Variants in CHD7 observed in about 807,000 individuals in gnomAD.
The protein encoded by CHD7 is ATP-dependent chromatin remodeler CHD7.
A neutral mutation model predicts 307.3 loss-of-function variants in CHD7; 24 were observed. That is an observed-to-expected ratio of 0.08 (90% CI 0.06 to 0.11). The LOEUF is 0.11. Among genes scored for constraint, CHD7 ranks in the 10% least tolerant of loss-of-function variants. The pLI is 1.00. For synonymous variants in CHD7, 1,363 were observed against 1,349.9 expected, an observed-to-expected ratio of 1.01 and a Z score of -0.21; for missense variants, 3,106 against 3,727.1, an observed-to-expected ratio of 0.83 and a Z score of 4.34.
chr8:60,862,124 C>A (rs1806025069), intron 35 of CHD7, 72 bp from the exon 36 acceptor site: 1 of 1,173,958 alleles, frequency 8.5e-7, no homozygotes, highest in South Asian at 1.6e-5. Context: ...TCTGACAGTT[C>A]TCTTTGGCAT....
Position 60,821,843 on chromosome 8 carries a change from G to A in CHD7, c.2751G>A (p.Thr917=), listed in dbSNP as rs369429961. The change falls in exon 10 of 38, where the codon ACG becomes ACA. Residue 917 remains threonine, a synonymous_variant. Coordinates refer to ENST00000423902, the MANE Select transcript of CHD7 (RefSeq NM_017780.4). The part of the protein sequence containing the change: ...KWCSLPYEDS[T]WERRQDIDQA... ...GTTCACTTCCTTATGAAGACAGCAC[G>A]TGGGAGCGGAGGCAGGACATAGATC... 998 of 1,590,562 alleles carry A rather than the reference G, an allele frequency of 6.3e-4. No homozygotes were observed. Among genetic ancestry groups the A allele is most frequent in the Non-Finnish European group, 7.9e-4 (925 of 1,167,912 alleles).
intron 15 of CHD7, 22 bp downstream of exon 15, chr8:60,830,599 A>G (rs1415279394): frequency 6.2e-7 from 1 of 1,607,398 alleles, no homozygotes. Flanking sequence ...CTGCTCGCGA[A>G]CTTGCTTAAG....
At chr8:60,716,574 A>T (rs1027053641) in intron 1 of CHD7, among the ~76,000 whole-genome samples, 1 of 152,204 alleles carries the variant, frequency 6.6e-6, no homozygotes, top group African/African-American at 2.4e-5. Flanking sequence ...CCTGTGAGGC[A>T]GTCCCTTACC....
At chr8:60,693,128 C>T (rs1389101418) in intron 1 of CHD7, among the ~76,000 whole-genome samples, 3 of 152,218 alleles carry the variant, frequency 2.0e-5, no homozygotes, top group Non-Finnish European at 4.4e-5. Context: ...CCAGACTCCA[C>T]TTCCTGTGTC....
At chr8:60,854,594 G>T in intron 32 of CHD7, 71 bp downstream of exon 32, 1 of 1,327,142 alleles carries the variant, frequency 7.5e-7, no homozygotes, top group Non-Finnish European at 1.0e-6. Flanking sequence ...TTTCTAGCTT[G>T]ATTTTTCAAG....
chr8:60,682,556 G>A (rs1437015094), intron 1 of CHD7, among the ~76,000 whole-genome samples: 1 of 152,112 alleles, frequency 6.6e-6, no homozygotes, highest in Non-Finnish European at 1.5e-5. Context: ...GCTTGAAAAA[G>A]TTTGCTTGCC....
chr8:60,816,323 A>G (rs1419124132), intron 7 of CHD7, 64 bp from the exon 8 acceptor site: 1 of 929,544 alleles, frequency 1.1e-6, no homozygotes, highest in Non-Finnish European at 1.6e-6. Flanking sequence ...ACTTTTTTGA[A>G]TAAGACATAA....
chr8:60,688,791 G>A (rs1477429058), intron 1 of CHD7, among the ~76,000 whole-genome samples: 1 of 152,142 alleles, frequency 6.6e-6, no homozygotes, highest in Non-Finnish European at 1.5e-5. Flanking sequence ...AGTGGTGTAG[G>A]CATGTTTGAT....
chr8:60,843,615 A>G (rs1259111862), intron 21 of CHD7, among the ~76,000 whole-genome samples: 1 of 152,182 alleles, frequency 6.6e-6, no homozygotes, highest in Admixed American at 6.5e-5. Flanking sequence ...GACTGTGACA[A>G]TACTGTGACA....
chr8:60,772,461 A>G (rs566679681), intron 2 of CHD7, among the ~76,000 whole-genome samples: 284 of 152,344 alleles, frequency 1.9e-3, no homozygotes, highest in Non-Finnish European at 1.7e-3. Context: ...TTTCCAGTTT[A>G]AAGATTAAAC....
intron 21 of CHD7, among the ~76,000 whole-genome samples, chr8:60,844,619 G>GGTTA (rs1253659012): frequency 6.6e-6 from 1 of 152,154 alleles, no homozygotes; most frequent in African/African-American, 2.4e-5. Flanking sequence ...GAAAGGCCAG[G>GGTTA]GTTAGCTTTG....
At chr8:60,688,751 A>G (rs904256959) in intron 1 of CHD7, among the ~76,000 whole-genome samples, 4 of 152,132 alleles carry the variant, frequency 2.6e-5, no homozygotes, top group African/African-American at 9.7e-5. Context: ...AATTCTCCAA[A>G]CATGGTGGGT....
intron 1 of CHD7, among the ~76,000 whole-genome samples, chr8:60,686,848 G>A (rs541772237): frequency 2.0e-5 from 3 of 152,284 alleles, no homozygotes; most frequent in East Asian, 3.9e-4. Flanking sequence ...TTCTAGTTCT[G>A]CAGCAAGTTT....
intron 2 of CHD7, among the ~76,000 whole-genome samples, chr8:60,764,759 TAAATGCAGACTTGTATGGGAGAAG>T (rs1810385725): frequency 6.6e-6 from 1 of 152,070 alleles, no homozygotes; most frequent in African/African-American, 2.4e-5. Context: ...AACAAAGAGA[TAAATGCAGACTTGTATGGGAGAAG>T]AAATGCAGGG....
At chr8:60,695,987 C>G (rs901789989) in intron 1 of CHD7, among the ~76,000 whole-genome samples, 1 of 152,128 alleles carries the variant, frequency 6.6e-6, no homozygotes, top group Admixed American at 6.5e-5. Flanking sequence ...AAGGAAAAAT[C>G]TAAAATCCAG....
chr8:60,849,034 T>C lies in CHD7; in HGVS notation c.5301-17T>C, dbSNP rs768143056. 3.1e-6 allele frequency: 5 copies of C among 1,587,920 alleles called. No homozygotes were observed. Among genetic ancestry groups the C allele is most frequent in the Non-Finnish European group, 4.3e-6 (5 of 1,156,664 alleles). ...TCTTTTTTAATACTAATATTTCTTATAAATGTTGTCTTTCAGTGAAGCCGA... is the reference window on the plus strand; with the variant it reads ...TCTTTTTTAATACTAATATTTCTTACAAATGTTGTCTTTCAGTGAAGCCGA... On this transcript the variant is annotated splice_polypyrimidine_tract_variant and intron_variant, in intron 24 of 37. Coordinates refer to ENST00000423902, the MANE Select transcript of CHD7 (RefSeq NM_017780.4).
chr8:60,833,377 C>G (rs1452495734), intron 15 of CHD7, among the ~76,000 whole-genome samples: 1 of 152,184 alleles, frequency 6.6e-6, no homozygotes, highest in African/African-American at 2.4e-5. Context: ...CCAAGGTACC[C>G]TGCTGGTTAG....
chr8:60,804,201 G>A (rs1384288079), intron 6 of CHD7, among the ~76,000 whole-genome samples: 2 of 152,138 alleles, frequency 1.3e-5, no homozygotes, highest in African/African-American at 2.4e-5. Context: ...TGAAATAGTT[G>A]GTGCCTATTT....
chr8:60,848,937 C>T (rs2150801323), intron 24 of CHD7, 114 bp from the exon 25 acceptor site: 1 of 859,928 alleles, frequency 1.2e-6, no homozygotes, highest in Non-Finnish European at 1.9e-6. Context: ...GCTGATACCT[C>T]CCCACCATGC....
Sources: allele counts gnomAD v4.1 joint callset (sites outside exome capture counted in the v4.1 genomes callset), GRCh38; gene constraint gnomAD v4.1.1; transcripts MANE v1.5; gene names NCBI Gene and HGNC (gene_info 2026-07-23, HGNC 2026-07-21).